FGF14: variants seen among roughly 807,000 people sequenced by gnomAD.
The protein encoded by FGF14 is fibroblast growth factor homologous factor 4.
A neutral mutation model predicts 25.5 loss-of-function variants in FGF14; 5 were observed. The observed-to-expected ratio is 0.20, with a 90% CI of 0.10 to 0.41. The LOEUF (loss-of-function observed/expected upper bound fraction) is 0.41. FGF14 is among the 10% of genes least tolerant of loss of function. The probability of loss-of-function intolerance (pLI) is 1.00; values close to 1 mark genes in which losing one functional copy is unlikely to be tolerated. For missense variants in FGF14, 222 were observed against 320.1 expected (o/e 0.69, Z 2.34); for synonymous variants, 138 against 118.3 (o/e 1.17, Z -1.08).
intron 1 of FGF14, among the ~76,000 whole-genome samples, chr13:102,094,128 C>T (rs1053464284): frequency 2.0e-5 from 3 of 150,262 alleles, no homozygotes; most frequent in African/African-American, 7.4e-5. Flanking sequence ...TGCCAGCAGG[C>T]ATGAACATCT....
chr13:102,069,675 G>A (rs997290503), intron 1 of FGF14, among the ~76,000 whole-genome samples: 3 of 152,050 alleles, frequency 2.0e-5, no homozygotes, highest in Admixed American at 6.5e-5. Context: ...CTGAGCCAGC[G>A]AGACCACGAA....
chr13:102,156,314 G>T (rs937980969), intron 1 of FGF14, among the ~76,000 whole-genome samples: 15 of 152,280 alleles, frequency 9.9e-5, no homozygotes, highest in African/African-American at 3.4e-4. Context: ...TATCCACCAT[G>T]ATCAAGTGGG....
At chr13:101,732,993 C>T (rs1437657788) in intron 3 of FGF14, among the ~76,000 whole-genome samples, 1 of 152,072 alleles carries the variant, frequency 6.6e-6, no homozygotes, top group East Asian at 1.9e-4. Context: ...CAATTGTATC[C>T]TTTAATGCTA....
chr13:101,961,936 A>G (rs1203837155), intron 1 of FGF14, among the ~76,000 whole-genome samples: 1 of 152,142 alleles, frequency 6.6e-6, no homozygotes, highest in Non-Finnish European at 1.5e-5. Flanking sequence ...TGGTTTTTGT[A>G]CCAGTACTAT....
At chr13:101,862,794 G>T (rs961756595) in intron 3 of FGF14, among the ~76,000 whole-genome samples, 1 of 151,980 alleles carries the variant, frequency 6.6e-6, no homozygotes, top group African/African-American at 2.4e-5. Context: ...AAGGATAATA[G>T]CCATTTCAAC....
intron 1 of FGF14, among the ~76,000 whole-genome samples, chr13:101,891,664 C>A (rs2029861593): frequency 6.6e-6 from 1 of 151,906 alleles, no homozygotes; most frequent in Non-Finnish European, 1.5e-5. Flanking sequence ...ATACACAAAT[C>A]TATATATGTA....
chr13:102,331,121 TTAAAG>T (rs1333596490), intron 1 of FGF14, among the ~76,000 whole-genome samples: 1 of 152,182 alleles, frequency 6.6e-6, no homozygotes. Context: ...CATAAAATTA[TTAAAG>T]TAAATAAAAT....
intron 1 of FGF14, among the ~76,000 whole-genome samples, chr13:102,247,170 A>G (rs2051918157): frequency 6.6e-6 from 1 of 152,070 alleles, no homozygotes; most frequent in South Asian, 2.1e-4. Flanking sequence ...TGGACATAGG[A>G]ACTAGCAAAG....
At chr13:101,781,993 T>C (rs927987) in intron 3 of FGF14, among the ~76,000 whole-genome samples, 61,720 of 152,068 alleles carry the variant, frequency 0.41, 13,137 homozygotes, top group East Asian at 0.83. Flanking sequence ...CAGTACATGT[T>C]CTTTTTGGTC....
At chr13:101,735,378 T>TA (rs1181123773) in intron 3 of FGF14, among the ~76,000 whole-genome samples, 2 of 151,926 alleles carry the variant, frequency 1.3e-5, no homozygotes, top group Non-Finnish European at 2.9e-5. Context: ...TACCTACAGA[T>TA]AAAAAAATAT....
At chr13:102,006,999 C>T (rs1445820620) in intron 1 of FGF14, among the ~76,000 whole-genome samples, 1 of 151,948 alleles carries the variant, frequency 6.6e-6, no homozygotes, top group African/African-American at 2.4e-5. Flanking sequence ...CCGCCTCGGC[C>T]TCCCAAAGTG....
At chr13:101,821,645 G>A (rs1381173218) in intron 3 of FGF14, among the ~76,000 whole-genome samples, 1 of 152,188 alleles carries the variant, frequency 6.6e-6, no homozygotes, top group African/African-American at 2.4e-5. Flanking sequence ...TATAGCAACT[G>A]ACATGCCAAT....
At chr13:102,292,404 A>T (rs2054470847) in intron 1 of FGF14, 1 of 152,148 alleles carries the variant, frequency 6.6e-6, no homozygotes, top group Non-Finnish European at 1.5e-5. Flanking sequence ...TTTCTGATGT[A>T]ACAGGAAAGA....
rs534751958 is a variant in FGF14, at chr13:102,252,054, C to T, written c.208+149417G>A. Among the ~76,000 whole-genome samples, 15 of 152,250 alleles carry T rather than the reference C, an allele frequency of 9.9e-5. No homozygotes were observed. In the South Asian group the frequency reaches 3.1e-3, roughly 32 times the overall value. On this transcript the variant is annotated intron_variant, in intron 1 of 4. Coordinates refer to the FGF14 transcript ENST00000376131. Reference sequence around the variant, plus strand: ...TTACTGATCCCAGACACCTGTATATCGATGCGGCTAATCTAATCTATCTGG... The same window carrying T: ...TTACTGATCCCAGACACCTGTATATTGATGCGGCTAATCTAATCTATCTGG...
At chr13:101,728,583 G>C (rs2035598047) in intron 3 of FGF14, among the ~76,000 whole-genome samples, 1 of 152,140 alleles carries the variant, frequency 6.6e-6, no homozygotes, top group Non-Finnish European at 1.5e-5. Flanking sequence ...CTCCCCAAGA[G>C]ACTAATAAAT....
intron 1 of FGF14, chr13:102,002,482 AC>A (rs1288950757): frequency 6.3e-6 from 1 of 158,166 alleles, no homozygotes; most frequent in African/African-American, 2.4e-5. Context: ...GACTTTCCTT[AC>A]AGCTGCAAAC....
intron 1 of FGF14, among the ~76,000 whole-genome samples, chr13:102,381,636 A>C (rs1221403245): frequency 6.6e-6 from 1 of 152,230 alleles, no homozygotes; most frequent in Non-Finnish European, 1.5e-5. Flanking sequence ...TCTAGTTTCA[A>C]GAGGATATTA....
At chr13:101,872,647 T>C (rs1053898123) in intron 2 of FGF14, among the ~76,000 whole-genome samples, 1 of 152,158 alleles carries the variant, frequency 6.6e-6, no homozygotes, top group Non-Finnish European at 1.5e-5. Flanking sequence ...CCATTACTTT[T>C]ATAAATCTGC....
chr13:102,078,447 A>G (rs2043465235), intron 1 of FGF14, among the ~76,000 whole-genome samples: 1 of 151,016 alleles, frequency 6.6e-6, no homozygotes, highest in Admixed American at 6.6e-5. Context: ...CAAAAAATAA[A>G]AAACTTACAG....
Sources: allele counts gnomAD v4.1 joint callset (sites outside exome capture counted in the v4.1 genomes callset), GRCh38; gene constraint gnomAD v4.1.1; transcripts MANE v1.5; gene names NCBI Gene and HGNC (gene_info 2026-07-23, HGNC 2026-07-21).